The following AUTS2 variants were observed in gnomAD, a reference collection of about 807,000 sequenced individuals.
AUTS2 encodes the protein autism susceptibility gene 2 protein.
Under a neutral mutation model 112.4 loss-of-function variants are expected in AUTS2, and 17 were observed. That is an observed-to-expected ratio of 0.15 (90% CI 0.10 to 0.23). The LOEUF (loss-of-function observed/expected upper bound fraction) is 0.23. Ranked by LOEUF, AUTS2 falls within the 10% of genes least tolerant of loss-of-function variation. AUTS2 has a pLI of 1.00. For missense variants in AUTS2, 1,510 were observed against 1,701.6 expected, an observed-to-expected ratio of 0.89 and a Z score of 1.98; for synonymous variants, 751 against 702.7, an observed-to-expected ratio of 1.07 and a Z score of -1.09.
chr7:70,698,582 G>A lies in AUTS2; in HGVS notation c.704G>A (p.Ser235Asn). ...CTTGTTTTTCAGGCATCAGATGCCA[G>A]CTCTGAAAAACTCTTCAACACTGTT... ...SDQEEKASDA[S>N]SEKLFNTVIV... The change falls in exon 6 of 19, where the codon AGC becomes AAC. Residue 235 changes from serine (S) to asparagine (N), a missense_variant. Around this residue, in one of 3 missense-constraint regions of AUTS2, gnomAD observed 535 missense variants for 594.3 expected, o/e 0.90. Transcript: ENST00000342771. The A allele has an allele frequency of 6.2e-7, 1 of 1,606,592 alleles. No individual in the cohort carries two copies. The highest frequency in any genetic ancestry group is 8.5e-7 in the Non-Finnish European group (1 of 1,176,530).
chr7:70,640,148 T>C (rs1805735955), intron 5 of AUTS2, among the ~76,000 whole-genome samples: 1 of 152,072 alleles, frequency 6.6e-6, no homozygotes. Flanking sequence ...CATTGTGGTC[T>C]CTTTCTCGGG....
chr7:70,208,995 C>A (rs968276817), intron 4 of AUTS2, among the ~76,000 whole-genome samples: 6 of 151,946 alleles, frequency 3.9e-5, no homozygotes, highest in Non-Finnish European at 7.4e-5. Flanking sequence ...GTGGATTAAC[C>A]TGGAGAGTGA....
intron 4 of AUTS2, among the ~76,000 whole-genome samples, chr7:70,289,264 G>A (rs1042775489): frequency 1.3e-5 from 2 of 152,204 alleles, no homozygotes; most frequent in African/African-American, 4.8e-5. Context: ...TATGATCCAA[G>A]GAACATCTGA....
intron 1 of AUTS2, among the ~76,000 whole-genome samples, chr7:69,878,667 G>C (rs1354624838): frequency 6.6e-6 from 1 of 152,206 alleles, no homozygotes; most frequent in Non-Finnish European, 1.5e-5. Context: ...GGACAGGATA[G>C]AGCTTTTAAT....
At chr7:70,397,309 C>T (rs1436791764) in intron 4 of AUTS2, among the ~76,000 whole-genome samples, 2 of 152,122 alleles carry the variant, frequency 1.3e-5, no homozygotes, top group Admixed American at 1.3e-4. Flanking sequence ...AGGTGATCCA[C>T]CTGCCTCGGC....
chr7:70,408,289 C>T (rs1022253044), intron 4 of AUTS2, among the ~76,000 whole-genome samples: 5 of 151,944 alleles, frequency 3.3e-5, no homozygotes, highest in African/African-American at 1.2e-4. Flanking sequence ...TGGTAGTGAT[C>T]GTAGGGTCAG....
intron 5 of AUTS2, among the ~76,000 whole-genome samples, chr7:70,640,317 T>A (rs1336912134): frequency 6.6e-6 from 1 of 151,234 alleles, no homozygotes; most frequent in African/African-American, 2.4e-5. Flanking sequence ...AACAGGAAAT[T>A]TTTCTTAGTA....
intron 5 of AUTS2, among the ~76,000 whole-genome samples, chr7:70,697,177 A>G (rs767754188): frequency 2.6e-5 from 4 of 152,118 alleles, no homozygotes; most frequent in Admixed American, 6.5e-5. Flanking sequence ...ACTGTTATAT[A>G]TAGTTTAAGA....
intron 1 of AUTS2, among the ~76,000 whole-genome samples, chr7:69,777,233 A>G (rs928167175): frequency 1.3e-5 from 2 of 152,024 alleles, no homozygotes; most frequent in African/African-American, 4.8e-5. Context: ...GATATCTAGC[A>G]CCTCCTAACC....
intron 1 of AUTS2, among the ~76,000 whole-genome samples, chr7:69,745,805 G>T (rs752578746): frequency 2.0e-5 from 3 of 152,108 alleles, no homozygotes; most frequent in Non-Finnish European, 4.4e-5. Context: ...TATTCTGTGT[G>T]GGTTTAGTAG....
chr7:70,760,200 T>C (rs1257608766), intron 6 of AUTS2, among the ~76,000 whole-genome samples: 1 of 152,068 alleles, frequency 6.6e-6, no homozygotes, highest in Admixed American at 6.5e-5. Flanking sequence ...AGAGGCAGGG[T>C]TTCACCGTGT....
intron 4 of AUTS2, among the ~76,000 whole-genome samples, chr7:70,134,944 T>A: frequency 6.6e-6 from 1 of 152,134 alleles, no homozygotes; most frequent in East Asian, 1.9e-4. Context: ...ATAACTGATT[T>A]CTTGAATAAC....
At chr7:70,565,392 A>C (rs1311899543) in intron 5 of AUTS2, among the ~76,000 whole-genome samples, 6 of 152,190 alleles carry the variant, frequency 3.9e-5, no homozygotes, top group African/African-American at 1.4e-4. Flanking sequence ...ATAGAAGGTT[A>C]CTATGCACAG....
At chr7:70,018,109 A>G (rs1197089440) in intron 2 of AUTS2, among the ~76,000 whole-genome samples, 1 of 152,082 alleles carries the variant, frequency 6.6e-6, no homozygotes, top group African/African-American at 2.4e-5. Flanking sequence ...TAGAAATGCA[A>G]ATTACTTTCC....
intron 6 of AUTS2, among the ~76,000 whole-genome samples, chr7:70,726,628 T>C (rs1268803573): frequency 1.3e-5 from 2 of 152,188 alleles, no homozygotes; most frequent in African/African-American, 4.8e-5. Flanking sequence ...TATCCCAGAA[T>C]TTTTGAGAAG....
At chr7:70,414,943 G>C (rs1794929411) in intron 4 of AUTS2, among the ~76,000 whole-genome samples, 1 of 152,168 alleles carries the variant, frequency 6.6e-6, no homozygotes, top group South Asian at 2.1e-4. Flanking sequence ...ATCCAAAGTT[G>C]GTGGGCTTCA....
At chr7:70,553,765 T>TC (rs1325469480) in intron 5 of AUTS2, among the ~76,000 whole-genome samples, 1 of 136,746 alleles carries the variant, frequency 7.3e-6, no homozygotes, top group Non-Finnish European at 1.6e-5. Context: ...TCTTTCTTTT[T>TC]TTTTTTTTTT....
chr7:70,713,210 C>T (rs1810160167), intron 6 of AUTS2, among the ~76,000 whole-genome samples: 1 of 152,188 alleles, frequency 6.6e-6, no homozygotes. Context: ...CCAATGCCGG[C>T]CTGCCATCTG....
chr7:70,663,754 C>A (rs1807194073), intron 5 of AUTS2, among the ~76,000 whole-genome samples: 2 of 152,098 alleles, frequency 1.3e-5, no homozygotes, highest in Admixed American at 1.3e-4. Flanking sequence ...TTACCTGAGA[C>A]AACATGCATG....
Sources: allele counts gnomAD v4.1 joint callset (sites outside exome capture counted in the v4.1 genomes callset), GRCh38; gene constraint gnomAD v4.1.1; regional missense constraint gnomAD v4.1.1; transcripts MANE v1.5; gene names NCBI Gene and HGNC (gene_info 2026-07-23, HGNC 2026-07-21).